RAB35: variants seen among roughly 807,000 people sequenced by gnomAD.
RAB35 encodes RAB35, member RAS oncogene family, also known as ras-related protein Rab-35.
A neutral mutation model predicts 28.9 loss-of-function variants in RAB35; 4 were observed. The ratio of observed to expected loss-of-function variants is 0.14; its 90% CI spans 0.07 to 0.32. The LOEUF is 0.32. Among genes scored for constraint, RAB35 ranks in the 10% least tolerant of loss-of-function variants. RAB35 has a pLI of 1.00. For missense variants in RAB35, 128 were observed against 274.0 expected, an observed-to-expected ratio of 0.47 and a Z score of 3.76; for synonymous variants, 99 against 105.1, an observed-to-expected ratio of 0.94 and a Z score of 0.35.
intron 3 of RAB35, among the ~76,000 whole-genome samples, chr12:120,101,485 G>A (rs769239102): frequency 7.9e-5 from 12 of 152,158 alleles, no homozygotes; most frequent in African/African-American, 1.2e-4. Context: ...GCTTTTTCTC[G>A]CCAGGCTAAC....
intron 2 of RAB35, among the ~76,000 whole-genome samples, chr12:120,105,227 C>A (rs1594241390): frequency 1.3e-5 from 2 of 152,158 alleles, no homozygotes; most frequent in Non-Finnish European, 2.9e-5. Context: ...GGAACGACAT[C>A]CCACTCAAAA....
At position 120,104,040 on chromosome 12, in the gene RAB35, C is replaced by T. The variant is rs1010072666; in HGVS notation, c.104-91G>A. On this transcript the variant is annotated intron_variant, in intron 2 of 5. Coordinates refer to ENST00000229340, the MANE Select transcript of RAB35 (RefSeq NM_006861.7). ...CACACAACACACCCCCAGGCTCCCC[C>T]ACCCTCCCGACTCATTACATGTGCC... The T allele has an allele frequency of 5.3e-6, 8 of 1,517,588 alleles. No homozygotes were observed. The African/African-American group carries it at 5.5e-5, about 10-fold the overall frequency. 94.0% of individuals were successfully genotyped at this position (1,517,588 alleles called of 1,614,324 possible). A position where few individuals can be genotyped will look rare whatever the true frequency, so the allele number is the denominator to read the frequency against.
At chr12:120,107,320 C>T (rs1875929712) in intron 2 of RAB35, among the ~76,000 whole-genome samples, 3 of 152,112 alleles carry the variant, frequency 2.0e-5, no homozygotes, top group Admixed American at 2.0e-4. Context: ...AAAATGTGTT[C>T]CATCTTACCA....
At chr12:120,099,254 G>A in intron 3 of RAB35, 100 bp from the exon 4 acceptor site, 1 of 1,507,094 alleles carries the variant, frequency 6.6e-7, no homozygotes, top group Middle Eastern at 1.9e-4. Context: ...CGGAAAAGGT[G>A]AGGGTGGCCC....
At position 120,114,472 on chromosome 12, in the gene RAB35, T is replaced by C. The variant is rs535102144; in HGVS notation, c.52+2127A>G. 3.9e-5 allele frequency among the ~76,000 whole-genome samples: 6 copies of C among 152,316 alleles called. No homozygotes were observed. The East Asian group carries it at 9.6e-4, about 24-fold the overall frequency. On this transcript the variant is annotated intron_variant, in intron 1 of 5. Transcript: ENST00000229340. ...CGTCTGTGAAATCGTTCAACATATCTTAAGGAGGCATTCACACAAGGAGCC... is the reference window on the plus strand; with the variant it reads ...CGTCTGTGAAATCGTTCAACATATCCTAAGGAGGCATTCACACAAGGAGCC...
At chr12:120,099,280 C>T in intron 3 of RAB35, 126 bp from the exon 4 acceptor site, 2 of 1,272,924 alleles carry the variant, frequency 1.6e-6, no homozygotes, top group Non-Finnish European at 2.2e-6. Flanking sequence ...CCTGGGCTCT[C>T]ACTCAGCCTC....
intron 3 of RAB35, among the ~76,000 whole-genome samples, chr12:120,102,672 G>A (rs554723143): frequency 6.6e-6 from 1 of 152,290 alleles, no homozygotes; most frequent in Non-Finnish European, 1.5e-5. Context: ...AGCCATCCAT[G>A]GGGGCGCTGC....
chr12:120,107,326 T>C (rs551809899), intron 2 of RAB35, among the ~76,000 whole-genome samples: 20 of 152,180 alleles, frequency 1.3e-4, no homozygotes, highest in Non-Finnish European at 2.9e-4. Context: ...TGTTCCATCT[T>C]ACCAGTGATT....
intron 2 of RAB35, 34 bp downstream of exon 2, chr12:120,108,383 C>G (rs368736364): frequency 1.3e-6 from 2 of 1,595,806 alleles, no homozygotes; most frequent in Non-Finnish European, 1.7e-6. Context: ...CAAACAAAAA[C>G]GACACCCCAG....
chr12:120,107,607 C>A (rs1404410829), intron 2 of RAB35, among the ~76,000 whole-genome samples: 1 of 152,122 alleles, frequency 6.6e-6, no homozygotes, highest in Non-Finnish European at 1.5e-5. Flanking sequence ...TGGCTCACGC[C>A]TGTAATCCCA....
intron 3 of RAB35, among the ~76,000 whole-genome samples, chr12:120,101,016 C>A (rs1466298170): frequency 6.6e-6 from 1 of 152,230 alleles, no homozygotes; most frequent in Non-Finnish European, 1.5e-5. Flanking sequence ...CGGCGCACAG[C>A]CCCCGCGGCT....
chr12:120,111,191 T>C (rs1042154969), intron 1 of RAB35, among the ~76,000 whole-genome samples: 1 of 152,216 alleles, frequency 6.6e-6, no homozygotes, highest in Non-Finnish European at 1.5e-5. Context: ...TATCCAGCGC[T>C]CCCACTGCAG....
rs192144057 is a variant in RAB35 at position 120,097,188 on chromosome 12, T to C, written c.*57A>G. The C allele has an allele frequency of 2.0e-4, 323 of 1,613,516 alleles. No homozygotes were observed. In the African/African-American group the frequency reaches 3.5e-3, roughly 17 times the overall value. ...GAGACTGTCCCCCGAGGAACCTCCG[T>C]GGGCCTCGGGCTGGGGGAGGGACCG... On this transcript the variant is annotated 3_prime_UTR_variant, in exon 6 of 6. Transcript: ENST00000229340.
rs1875359462 is a variant in RAB35, at chr12:120,095,802, T to G, written c.*1443A>C. 6.6e-6 allele frequency: 1 copy of G among 152,532 alleles called. No homozygotes were observed. Among genetic ancestry groups the G allele is most frequent in the Non-Finnish European group, 1.5e-5 (1 of 68,322 alleles). 9.4% of individuals were successfully genotyped at this position (152,532 alleles called of 1,614,324 possible). On this transcript the variant is annotated 3_prime_UTR_variant, in exon 6 of 6. Coordinates refer to ENST00000229340, the MANE Select transcript of RAB35 (RefSeq NM_006861.7). ...CCATCCACAGTGCTAACATGGAAAC[T>G]GCAGTGTGATCTGTGATGTGATTGT... is the stretch of plus-strand genomic sequence containing the variant.
chr12:120,108,556 C>T (rs1332305526), intron 1 of RAB35, 89 bp from the exon 2 acceptor site: 5 of 1,283,208 alleles, frequency 3.9e-6, no homozygotes, highest in Non-Finnish European at 5.6e-6. Context: ...ATGCCTCAGT[C>T]CCAACTCTTA....
Position 120,097,020 on chromosome 12 carries a change from G to C in RAB35, c.*225C>G. 1 of 1,512,458 alleles carries C rather than the reference G, an allele frequency of 6.6e-7. No individual in the cohort carries two copies. Among genetic ancestry groups the C allele is most frequent in the Non-Finnish European group, 8.8e-7 (1 of 1,132,208 alleles). The allele number at this position is 1,512,458 out of a possible 1,614,324, so 93.7% of individuals were successfully genotyped here. On this transcript the variant is annotated 3_prime_UTR_variant, in exon 6 of 6. Coordinates refer to ENST00000229340, the MANE Select transcript of RAB35 (RefSeq NM_006861.7). ...GTCCTCGCCAGGTCCAGGCGCCTTG[G>C]CCGGGGAGGAGGGGGCACCAGTAGG...
intron 3 of RAB35, among the ~76,000 whole-genome samples, chr12:120,101,943 C>G (rs1224367406): frequency 6.6e-6 from 1 of 152,224 alleles, no homozygotes; most frequent in Non-Finnish European, 1.5e-5. Context: ...GCTCCTCCTG[C>G]TGAAAGAGCC....
At chr12:120,107,704 T>C (rs1875942898) in intron 2 of RAB35, among the ~76,000 whole-genome samples, 1 of 151,318 alleles carries the variant, frequency 6.6e-6, no homozygotes, top group Non-Finnish European at 1.5e-5. Flanking sequence ...CCATCTCTAT[T>C]AAAAATATAA....
Position 120,103,739 on chromosome 12 carries a change from C to T in RAB35, c.227+87G>A. ...GACAGCCTCAGGGACCCACCAGTGA[C>T]ATTTCCACCATGACCAGGCACCGGT... On this transcript the variant is annotated intron_variant, in intron 3 of 5. Coordinates refer to ENST00000229340, the MANE Select transcript of RAB35 (RefSeq NM_006861.7). This position sits in a 1 kb window ranked among gnomAD's most constrained non-coding sequence, Gnocchi z 6.1. The T allele has an allele frequency of 6.4e-7, 1 of 1,556,600 alleles. No individual in the cohort carries two copies. The highest frequency in any genetic ancestry group is 8.7e-7 in the Non-Finnish European group (1 of 1,148,356).
Sources: allele counts gnomAD v4.1 joint callset (sites outside exome capture counted in the v4.1 genomes callset), GRCh38; gene constraint gnomAD v4.1.1; non-coding constraint Gnocchi (gnomAD v3.1); transcripts MANE v1.5; gene names NCBI Gene and HGNC (gene_info 2026-07-23, HGNC 2026-07-21).